Variants in CERT1 observed in about 807,000 individuals in gnomAD.
CERT1 encodes the protein ceramide transfer protein.
A neutral mutation model predicts 87.9 loss-of-function variants in CERT1; 31 were observed. The observed-to-expected ratio is 0.35, with a 90% CI of 0.27 to 0.48. CERT1 has a LOEUF of 0.48. Ranked by LOEUF, CERT1 falls within the 20% of genes least tolerant of loss-of-function variation. The pLI, the probability that CERT1 is intolerant of heterozygous loss-of-function variation, is 0.99. For missense variants in CERT1, 487 were observed against 758.0 expected (o/e 0.64, Z 4.20); for synonymous variants, 289 against 250.9 (o/e 1.15, Z -1.44).
At chr5:75,470,204 G>A (rs1765645965) in intron 2 of CERT1, among the ~76,000 whole-genome samples, 1 of 152,060 alleles carries the variant, frequency 6.6e-6, no homozygotes, top group Non-Finnish European at 1.5e-5. Context: ...GACCAAATGG[G>A]CCTAACACAT....
chr5:75,462,703 G>A (rs1418857300), intron 2 of CERT1, among the ~76,000 whole-genome samples: 1 of 152,080 alleles, frequency 6.6e-6, no homozygotes, highest in East Asian at 1.9e-4. Flanking sequence ...ACAACAAAAA[G>A]CCAGGTTTAA....
At chr5:75,390,010 G>C (rs988105567) in intron 11 of CERT1, among the ~76,000 whole-genome samples, 1 of 152,166 alleles carries the variant, frequency 6.6e-6, no homozygotes, top group African/African-American at 2.4e-5. Context: ...AAACAGAGAT[G>C]ATGTGTTAAA....
chr5:75,441,369 T>A (rs1764314561), intron 3 of CERT1, among the ~76,000 whole-genome samples: 1 of 152,224 alleles, frequency 6.6e-6, no homozygotes, highest in Non-Finnish European at 1.5e-5. Context: ...CGACAAACTA[T>A]GCATTTCTCA....
rs1763620660 is a variant in CERT1 at position 75,426,461 on chromosome 5, T to C, written c.366A>G (p.Gly122=). The C allele has an allele frequency of 1.2e-6, 2 of 1,611,866 alleles. No individual in the cohort carries two copies. The highest frequency in any genetic ancestry group is 1.3e-5 in the African/African-American group (1 of 74,730). The change falls in exon 4 of 17, where the codon GGA becomes GGG. Residue 122 remains glycine, a synonymous_variant. Transcript: ENST00000643780. The part of the protein sequence containing the change: ...IEQHKTESGY[G]SESSLRRHGS... Reference sequence around the variant, plus strand: ...CATGTCGACGCAAGCTGGATTCAGATCCATATCCAGATTCAGTCTAAAAAA... The same window carrying C: ...CATGTCGACGCAAGCTGGATTCAGACCCATATCCAGATTCAGTCTAAAAAA...
chr5:75,374,396 A>G, downstream of CERT1: 1 of 561,732 alleles, frequency 1.8e-6, no homozygotes, highest in East Asian at 2.8e-5. Context: ...AATCAAAGGT[A>G]TATGGAATTT....
At chr5:75,405,012 T>A (rs933231129) in intron 8 of CERT1, among the ~76,000 whole-genome samples, 5 of 150,540 alleles carry the variant, frequency 3.3e-5, no homozygotes, top group Non-Finnish European at 7.4e-5. Context: ...CAAGACTCAG[T>A]CTCAAACAAC....
intron 3 of CERT1, among the ~76,000 whole-genome samples, chr5:75,451,355 G>A (rs1419198331): frequency 6.6e-6 from 1 of 152,112 alleles, no homozygotes; most frequent in Non-Finnish European, 1.5e-5. Flanking sequence ...TCTACAGCTT[G>A]AGAAAATGGC....
intron 2 of CERT1, among the ~76,000 whole-genome samples, chr5:75,492,470 A>AGAC (rs1175338886): frequency 1.3e-5 from 2 of 152,216 alleles, no homozygotes; most frequent in Admixed American, 1.3e-4. Context: ...CCAGGAGGAA[A>AGAC]GACAGGCTTT....
intron 8 of CERT1, among the ~76,000 whole-genome samples, chr5:75,407,558 T>C (rs571984800): frequency 1.5e-5 from 2 of 135,554 alleles, no homozygotes; most frequent in East Asian, 2.2e-4. Flanking sequence ...AAAAAACGAA[T>C]AAGAAAACAA....
At chr5:75,485,332 A>C (rs1246568556) in intron 2 of CERT1, among the ~76,000 whole-genome samples, 2 of 149,094 alleles carry the variant, frequency 1.3e-5, no homozygotes, top group Non-Finnish European at 3.0e-5. Context: ...AAAAAAAAAA[A>C]AAAAAGAACA....
chr5:75,457,909 C>CGT (rs34777423), intron 3 of CERT1, among the ~76,000 whole-genome samples: 2,483 of 144,368 alleles, frequency 0.017, 31 homozygotes, highest in East Asian at 0.048. Context: ...TATAGGCGCG[C>CGT]GTGTGTGTGT....
At chr5:75,500,458 T>C (rs1156462921) in intron 2 of CERT1, among the ~76,000 whole-genome samples, 1 of 152,214 alleles carries the variant, frequency 6.6e-6, no homozygotes, top group Non-Finnish European at 1.5e-5. Context: ...TACTTTCTAC[T>C]TCACGCTATT....
chr5:75,432,590 T>C (rs182373888), intron 3 of CERT1, among the ~76,000 whole-genome samples: 69 of 152,364 alleles, frequency 4.5e-4, no homozygotes, highest in Middle Eastern at 3.4e-3. Flanking sequence ...GTTCCTTATA[T>C]TCTGGATATC....
intron 16 of CERT1, 52 bp downstream of exon 16, chr5:75,381,020 C>A: frequency 6.3e-7 from 1 of 1,597,010 alleles, no homozygotes; most frequent in South Asian, 1.1e-5. Context: ...TCATATAGGT[C>A]ATGATCAAGA....
downstream of CERT1, chr5:75,374,571 A>G: frequency 1.4e-6 from 1 of 710,392 alleles, no homozygotes; most frequent in Non-Finnish European, 2.6e-6. Context: ...CAAGGCCATT[A>G]AGAAATTCGT....
chr5:75,504,563 C>T (rs527441730), intron 2 of CERT1, among the ~76,000 whole-genome samples: 37 of 152,240 alleles, frequency 2.4e-4, no homozygotes, highest in Non-Finnish European at 2.4e-4. Flanking sequence ...TAGATATTAA[C>T]GGAAATCTGA....
At chr5:75,506,278 T>C (rs1382268405) in intron 1 of CERT1, among the ~76,000 whole-genome samples, 162 bp from the exon 2 acceptor site, 2 of 152,206 alleles carry the variant, frequency 1.3e-5, no homozygotes, top group Non-Finnish European at 2.9e-5. Flanking sequence ...AAGTGAAAAG[T>C]TGAGATTTTC....
chr5:75,478,130 T>C (rs953950431), intron 2 of CERT1, among the ~76,000 whole-genome samples: 2 of 151,970 alleles, frequency 1.3e-5, no homozygotes, highest in Non-Finnish European at 2.9e-5. Flanking sequence ...CTGACCAACA[T>C]GGCAAAACCC....
chr5:75,501,722 G>C (rs1355263210), intron 2 of CERT1, among the ~76,000 whole-genome samples: 2 of 152,070 alleles, frequency 1.3e-5, no homozygotes, highest in African/African-American at 4.8e-5. Flanking sequence ...GATGAAAGTG[G>C]TGTTTGAAAC....
Sources: gnomAD v4.1 joint callset for allele counts (sites outside exome capture counted in the v4.1 genomes callset) on GRCh38, gnomAD v4.1.1 for gene constraint, MANE v1.5 for transcripts, NCBI Gene and HGNC (gene_info 2026-07-23, HGNC 2026-07-21) for gene names.